The following CKAP5 variants were observed in gnomAD, a reference collection of about 807,000 sequenced individuals.
CKAP5 encodes the protein cytoskeleton associated protein 5, also known as cytoskeleton-associated protein 5.
A neutral mutation model predicts 232.8 loss-of-function variants in CKAP5; 27 were observed. That is an observed-to-expected ratio of 0.12 (90% CI 0.09 to 0.16). CKAP5 has a LOEUF of 0.16. Ranked by LOEUF, CKAP5 falls within the 10% of genes least tolerant of loss-of-function variation. The pLI is 1.00. For missense variants in CKAP5, 1,838 were observed against 2,424.7 expected, an observed-to-expected ratio of 0.76 and a Z score of 5.08; for synonymous variants, 785 against 841.1, an observed-to-expected ratio of 0.93 and a Z score of 1.16.
intron 13 of CKAP5, among the ~76,000 whole-genome samples, chr11:46,792,565 A>C (rs963640759): frequency 1.5e-4 from 23 of 152,088 alleles, no homozygotes; most frequent in Middle Eastern, 3.4e-3. Flanking sequence ...AAAAAAACAA[A>C]AACAACAACA....
chr11:46,774,320 C>G (rs2065273526), intron 24 of CKAP5, among the ~76,000 whole-genome samples: 1 of 152,096 alleles, frequency 6.6e-6, no homozygotes. Flanking sequence ...TCAAGGAGAA[C>G]TACAAACCAC....
At chr11:46,769,475 C>T (rs1272962170) in intron 26 of CKAP5, among the ~76,000 whole-genome samples, 1 of 152,000 alleles carries the variant, frequency 6.6e-6, no homozygotes, top group African/African-American at 2.4e-5. Context: ...ATGGGAGGAT[C>T]GCCTGAGGCC....
At chr11:46,760,982 CTCATGCATGTAA>C (rs1232841962) in intron 32 of CKAP5, among the ~76,000 whole-genome samples, 198 bp from the exon 33 acceptor site, 1 of 152,174 alleles carries the variant, frequency 6.6e-6, no homozygotes, top group Non-Finnish European at 1.5e-5. Context: ...GGCACAGTGG[CTCATGCATGTAA>C]TCCCAGCACT....
chr11:46,767,108 A>C (rs1592443501), intron 27 of CKAP5, among the ~76,000 whole-genome samples: 1 of 148,288 alleles, frequency 6.7e-6, no homozygotes, highest in South Asian at 2.1e-4. Context: ...TGCAACCTCC[A>C]CCTCCTGGGT....
chr11:46,752,239 TTATA>T (rs1395380028), intron 38 of CKAP5, among the ~76,000 whole-genome samples: 3 of 126,226 alleles, frequency 2.4e-5, no homozygotes, highest in Non-Finnish European at 5.1e-5. Flanking sequence ...CACACGTGTA[TTATA>T]TACATATATA....
In CKAP5 at chr11:46,821,211, C is replaced by A. The variant is rs2134690828; in HGVS notation, c.21G>T (p.Trp7Cys). 6.2e-7 allele frequency: 1 copy of A among 1,613,154 alleles called. No homozygotes were observed. Among genetic ancestry groups the A allele is most frequent in the Non-Finnish European group, 8.5e-7 (1 of 1,179,194 alleles). Residue 7 changes from tryptophan (W) to cysteine (C), a missense_variant, in exon 2 of 44, where the codon TGG becomes TGT. This residue lies in a region of CKAP5 where 285 missense variants were observed against 300.0 expected (regional missense o/e 0.95). Coordinates refer to ENST00000529230, the MANE Select transcript of CKAP5 (RefSeq NM_001008938.4). ...ATTTCTGATCAACTGGCAGTTTCAACCACTCACTGTCATCTCCCATTGTGC... is the reference window on the plus strand; with the variant it reads ...ATTTCTGATCAACTGGCAGTTTCAAACACTCACTGTCATCTCCCATTGTGC... The part of the protein sequence containing the change: MGDDSE[W>C]LKLPVDQKCE...
rs2065378613 is a variant in CKAP5 at position 46,784,997 on chromosome 11, TACACACCCTAAA to T, written c.1969-336_1969-325del. Among the ~76,000 whole-genome samples the T allele has an allele frequency of 2.6e-5, 4 of 152,182 alleles. No homozygotes were observed. The South Asian group carries it at 8.3e-4, about 31-fold the overall frequency. ...ATGATTATTTGCATTTAGTACTGAA[TACACACCCTAAA>T]ATACACAATAAATTACTATACTGAC... On this transcript the variant is annotated intron_variant, in intron 16 of 43. Coordinates refer to ENST00000529230, the MANE Select transcript of CKAP5 (RefSeq NM_001008938.4).
chr11:46,753,432 G>A lies in CKAP5; in HGVS notation c.4935C>T (p.Gly1645=). The stretch of plus-strand genomic sequence containing the variant: ...GAGAATCCAGCATTAAGGTGATGAG[G>A]CCATGCATTAGGTCTTTTAGTACTC... ...STGVLKDLMH[G]LITLMLDSRI... is the part of the protein sequence containing the mutation. The change falls in exon 37 of 44, where the codon GGC becomes GGT. Residue 1645 remains glycine (G), a synonymous_variant. Transcript: ENST00000529230. 1 of 1,613,950 alleles carries A rather than the reference G, an allele frequency of 6.2e-7. No homozygotes were observed. Among genetic ancestry groups the A allele is most frequent in the East Asian group, 2.2e-5 (1 of 44,872 alleles).
intron 38 of CKAP5, among the ~76,000 whole-genome samples, chr11:46,752,255 CAT>C (rs1338720494): frequency 3.7e-5 from 5 of 136,862 alleles, no homozygotes; most frequent in African/African-American, 5.3e-5. Context: ...ACATATATAA[CAT>C]ATTAAGATAT....
chr11:46,771,702 C>A lies in CKAP5; in HGVS notation c.2992-720G>T, dbSNP rs563822201. ...ATGCTCTACCCTTGAGCTATAGTCC[C>A]AGTTTTTGGCTACTATGATTGAAGT... On this transcript the variant is annotated intron_variant, in intron 24 of 43. Transcript: ENST00000529230. Among the ~76,000 whole-genome samples the A allele has an allele frequency of 6.4e-4, 97 of 152,314 alleles. 1 individual carries two copies. The highest frequency in any genetic ancestry group is 5.3e-3 in the Admixed American group (81 of 15,294).
chr11:46,790,101 A>T lies in CKAP5; in HGVS notation c.1850T>A (p.Leu617Gln). ...CTTCTGGAACTCTTCCATACAAGCC[A>T]GCCTTTCTTTCCAGTTACTGCTGTC... ...LLDSSNWKER[L>Q]ACMEEFQKAV... The change falls in exon 15 of 44, where the codon CTG becomes CAG. Residue 617 changes from leucine to glutamine, a missense_variant. Transcript: ENST00000529230. 1 of 1,611,722 alleles carries T rather than the reference A, an allele frequency of 6.2e-7. No individual in the cohort carries two copies. Among genetic ancestry groups the T allele is most frequent in the Non-Finnish European group, 8.5e-7 (1 of 1,178,202 alleles).
chr11:46,802,553 GACAGACACACAC>G (rs1939055545), intron 8 of CKAP5, among the ~76,000 whole-genome samples: 1 of 142,460 alleles, frequency 7.0e-6, no homozygotes, highest in South Asian at 2.2e-4. Context: ...CAGACAGACA[GACAGACACACAC>G]ACACACACAC....
intron 2 of CKAP5, 109 bp from the exon 3 acceptor site, chr11:46,818,612 G>A: frequency 1.2e-6 from 1 of 806,168 alleles, no homozygotes; most frequent in South Asian, 3.0e-5. Context: ...CCTATGTCAG[G>A]TAATGTAAAC....
rs771091943 is a variant in CKAP5, at chr11:46,755,014, AATATGGCCGG to A, written c.4733_4742del (p.Ser1578LeufsTer5). 1 of 1,613,872 alleles carries A rather than the reference AATATGGCCGG, an allele frequency of 6.2e-7. No homozygotes were observed. Among genetic ancestry groups the A allele is most frequent in the South Asian group, 1.1e-5 (1 of 90,984 alleles). Reference sequence around the variant, plus strand: ...TAAAAGTGGCTATCAGAAACTGATCAATATGGCCGGACATGGCTTCAGCTTTGTCTTCCTG... The same window carrying A: ...TAAAAGTGGCTATCAGAAACTGATCAACATGGCTTCAGCTTTGTCTTCCTG... On this transcript the variant is annotated frameshift_variant, in exon 36 of 44. Coordinates refer to ENST00000529230, the MANE Select transcript of CKAP5 (RefSeq NM_001008938.4). LOFTEE classifies it high-confidence loss of function.
chr11:46,758,756 T>C (rs537262846), intron 35 of CKAP5, 167 bp downstream of exon 35: 3 of 661,104 alleles, frequency 4.5e-6, no homozygotes, highest in South Asian at 4.8e-5. Flanking sequence ...AGTCACATCC[T>C]CTGAGGCAAG....
chr11:46,828,186 G>A (rs1013752050), intron 1 of CKAP5, among the ~76,000 whole-genome samples: 1 of 133,696 alleles, frequency 7.5e-6, no homozygotes, highest in Non-Finnish European at 1.5e-5. Flanking sequence ...GCAGACTCAG[G>A]TTACTCTTAT....
At chr11:46,747,744 T>G (rs1000910874) in intron 42 of CKAP5, among the ~76,000 whole-genome samples, 7 of 151,748 alleles carry the variant, frequency 4.6e-5, no homozygotes, top group Admixed American at 3.3e-4. Context: ...TAAGAAGACA[T>G]ATGCCTGGTG....
chr11:46,811,753 G>A (rs1939279246), intron 4 of CKAP5, among the ~76,000 whole-genome samples: 1 of 152,148 alleles, frequency 6.6e-6, no homozygotes, highest in South Asian at 2.1e-4. Flanking sequence ...CTGGATTACA[G>A]GCGTGAGCCA....
rs1386009405 is a variant in CKAP5, at chr11:46,806,955, G to GT, written c.978+1075dup. Among the ~76,000 whole-genome samples the GT allele has an allele frequency of 2.0e-5, 3 of 152,132 alleles. No individual in the cohort carries two copies. In the East Asian group the frequency reaches 5.8e-4, roughly 29 times the overall value. ...CAGTGCCATGTTTTTGCATTTTTGT[G>GT]TTTTTTGTTGGTGCTCTTGTTGTTT... On this transcript the variant is annotated intron_variant, in intron 8 of 43. Coordinates refer to ENST00000529230, the MANE Select transcript of CKAP5 (RefSeq NM_001008938.4).
Sources: allele counts gnomAD v4.1 joint callset (sites outside exome capture counted in the v4.1 genomes callset), GRCh38; gene constraint gnomAD v4.1.1; regional missense constraint gnomAD v4.1.1; transcripts MANE v1.5; gene names NCBI Gene and HGNC (gene_info 2026-07-23, HGNC 2026-07-21).